The following ITGA8 variants were observed in gnomAD, a reference collection of about 807,000 sequenced individuals.
The protein encoded by ITGA8 is integrin subunit alpha 8.
A neutral mutation model predicts 142.3 loss-of-function variants in ITGA8; 91 were observed. The observed-to-expected ratio is 0.64, with a 90% CI of 0.54 to 0.76. The LOEUF (loss-of-function observed/expected upper bound fraction) is 0.76. ITGA8 is among the 30% of genes least tolerant of loss of function. The pLI, the probability that ITGA8 is intolerant of heterozygous loss-of-function variation, is 0.00. For synonymous variants in ITGA8, 505 were observed against 485.2 expected (o/e 1.04, Z -0.54); for missense variants, 1,406 against 1,327.7 (o/e 1.06, Z -0.92).
chr10:15,597,137 G>A (rs1420159298), intron 21 of ITGA8, 70 bp downstream of exon 21: 14 of 1,229,644 alleles, frequency 1.1e-5, no homozygotes, highest in Non-Finnish European at 1.7e-5. Context: ...GGTAACTGGA[G>A]AGCTTTCCAT....
At chr10:15,673,996 C>T (rs1450600274) in intron 6 of ITGA8, among the ~76,000 whole-genome samples, 3 of 149,124 alleles carry the variant, frequency 2.0e-5, no homozygotes, top group East Asian at 1.9e-4. Flanking sequence ...TGAAGAAATG[C>T]GTTCAAAAGA....
At chr10:15,717,833 G>A (rs903172710) in intron 2 of ITGA8, among the ~76,000 whole-genome samples, 1 of 152,174 alleles carries the variant, frequency 6.6e-6, no homozygotes, top group Non-Finnish European at 1.5e-5. Context: ...TCGAAATTCT[G>A]TGAAAATATT....
intron 26 of ITGA8, among the ~76,000 whole-genome samples, chr10:15,553,554 T>G (rs904501830): frequency 6.6e-6 from 1 of 152,226 alleles, no homozygotes; most frequent in African/African-American, 2.4e-5. Context: ...TTCACAATGT[T>G]GTACCACCAT....
At chr10:15,575,441 A>T (rs746283864) in intron 24 of ITGA8, 48 bp downstream of exon 24, 1 of 1,228,024 alleles carries the variant, frequency 8.1e-7, no homozygotes, top group Non-Finnish European at 1.2e-6. Flanking sequence ...ATTTGCACAG[A>T]GCTTAAGAAT....
At chr10:15,558,424 G>A (rs1050215814) in intron 25 of ITGA8, among the ~76,000 whole-genome samples, 1 of 152,204 alleles carries the variant, frequency 6.6e-6, no homozygotes, top group Non-Finnish European at 1.5e-5. Context: ...GAAGCATGGG[G>A]AATGCATTCC....
chr10:15,615,954 A>G (rs1296879087), intron 14 of ITGA8, among the ~76,000 whole-genome samples: 1 of 152,162 alleles, frequency 6.6e-6, no homozygotes, highest in Non-Finnish European at 1.5e-5. Context: ...TCCTTCTTTT[A>G]CAGATCAGAA....
rs1256323764 is a variant in ITGA8, at chr10:15,644,235, TA to T, written c.1208-15del. The T allele has an allele frequency of 5.6e-6, 9 of 1,609,646 alleles. No homozygotes were observed. The African/African-American group carries it at 9.4e-5, about 17-fold the overall frequency. ...CGATGGCAATGTCTAAAAACAGACA[TA>T]AAACATGTTTTATGTGTATATGTAT... On this transcript the variant is annotated splice_polypyrimidine_tract_variant and intron_variant, in intron 12 of 29. Transcript: ENST00000378076.
rs189599085 is a variant in ITGA8 at position 15,520,132 on chromosome 10, G to A, written c.2983-720C>T. On this transcript the variant is annotated intron_variant, in intron 28 of 29. Transcript: ENST00000378076. ...CTTTAATCCTAAATCCAAAGATCAGGCCAGAGCGGTGGCTCATGCCTGTAA... is the reference window on the plus strand; with the variant it reads ...CTTTAATCCTAAATCCAAAGATCAGACCAGAGCGGTGGCTCATGCCTGTAA... Among the ~76,000 whole-genome samples, 25 of 152,180 alleles carry A rather than the reference G, an allele frequency of 1.6e-4. No individual in the cohort carries two copies. In the East Asian group the frequency reaches 4.5e-3, roughly 27 times the overall value.
intron 23 of ITGA8, among the ~76,000 whole-genome samples, chr10:15,579,348 T>C (rs1834360794): frequency 6.6e-6 from 1 of 151,994 alleles, no homozygotes; most frequent in African/African-American, 2.4e-5. Context: ...AATTTCCTTC[T>C]TTTTTTACTG....
chr10:15,610,911 T>C (rs1347807685), intron 15 of ITGA8, among the ~76,000 whole-genome samples: 1 of 152,234 alleles, frequency 6.6e-6, no homozygotes, highest in Admixed American at 6.5e-5. Flanking sequence ...CTTTTTGTAA[T>C]TGGTTAGTCA....
At chr10:15,580,887 C>T (rs1207028725) in intron 23 of ITGA8, among the ~76,000 whole-genome samples, 1 of 152,252 alleles carries the variant, frequency 6.6e-6, no homozygotes, top group East Asian at 1.9e-4. Flanking sequence ...TCTCTTTTTA[C>T]CGCTTCTATT....
chr10:15,516,711 A>G lies in ITGA8; in HGVS notation c.*447T>C, dbSNP rs1223027448. 2 of 152,732 alleles carry G rather than the reference A, an allele frequency of 1.3e-5. No individual in the cohort carries two copies. The highest frequency in any genetic ancestry group is 2.9e-5 in the Non-Finnish European group (2 of 68,472). 9.5% of individuals were successfully genotyped at this position (152,732 alleles called of 1,614,324 possible). A position where few individuals can be genotyped will look rare whatever the true frequency, so the allele number is the denominator to read the frequency against. On this transcript the variant is annotated 3_prime_UTR_variant, in exon 30 of 30. Transcript: ENST00000378076. ...TCCATAGGGAGGTGTCAAATGTTCC[A>G]TTGGATACAGTAGTGTTGGATGGTG... is the stretch of plus-strand genomic sequence containing the variant.
Position 15,671,587 on chromosome 10 carries a change from C to A in ITGA8, c.847+16G>T. 1 of 1,605,966 alleles carries A rather than the reference C, an allele frequency of 6.2e-7. No individual in the cohort carries two copies. The highest frequency in any genetic ancestry group is 8.5e-7 in the Non-Finnish European group (1 of 1,172,798). On this transcript the variant is annotated intron_variant, in intron 8 of 29. Coordinates refer to ENST00000378076, the MANE Select transcript of ITGA8 (RefSeq NM_003638.3). ...CCATGCTTTATAAGTGATTTAAACT[C>A]AACAGTGCCTCTCACCTTGCTGAGA...
At chr10:15,626,507 C>T (rs181861915) in intron 13 of ITGA8, among the ~76,000 whole-genome samples, 280 of 152,310 alleles carry the variant, frequency 1.8e-3, no homozygotes, top group African/African-American at 6.6e-3. Flanking sequence ...ACATGAGCCA[C>T]TGCACCCGGC....
chr10:15,536,132 G>A (rs12248017), intron 27 of ITGA8, among the ~76,000 whole-genome samples: 2,947 of 152,246 alleles, frequency 0.019, 91 homozygotes, highest in African/African-American at 0.067. Context: ...CTCATCGCGA[G>A]GGTCTGCGGC....
chr10:15,681,886 C>G (rs1296806878), intron 4 of ITGA8, among the ~76,000 whole-genome samples: 1 of 152,176 alleles, frequency 6.6e-6, no homozygotes, highest in East Asian at 1.9e-4. Flanking sequence ...ATGAATCTCT[C>G]CACTACCATT....
At chr10:15,528,180 C>A (rs932651166) in intron 28 of ITGA8, among the ~76,000 whole-genome samples, 1 of 152,092 alleles carries the variant, frequency 6.6e-6, no homozygotes, top group Non-Finnish European at 1.5e-5. Context: ...AAGCAATCTG[C>A]CTGCCTTGGC....
intron 13 of ITGA8, among the ~76,000 whole-genome samples, chr10:15,635,149 G>A (rs1044497280): frequency 1.3e-5 from 2 of 151,590 alleles, no homozygotes; most frequent in African/African-American, 4.9e-5. Flanking sequence ...TGGGACTACA[G>A]GCACGTGCTA....
chr10:15,568,532 C>A (rs1834117577), intron 25 of ITGA8, among the ~76,000 whole-genome samples: 1 of 152,186 alleles, frequency 6.6e-6, no homozygotes, highest in South Asian at 2.1e-4. Flanking sequence ...TGGGTCTTAT[C>A]AGATGCTGAG....
Sources: allele counts gnomAD v4.1 joint callset (sites outside exome capture counted in the v4.1 genomes callset), GRCh38; gene constraint gnomAD v4.1.1; transcripts MANE v1.5; gene names NCBI Gene and HGNC (gene_info 2026-07-23, HGNC 2026-07-21).